The following VGLL4 variants were observed in gnomAD, a reference collection of about 807,000 sequenced individuals.
VGLL4 encodes transcription cofactor vestigial-like protein 4.
Under a neutral mutation model 21.0 loss-of-function variants are expected in VGLL4, and 7 were observed. That is an observed-to-expected ratio of 0.33 (90% CI 0.19 to 0.63). The LOEUF (loss-of-function observed/expected upper bound fraction) is 0.63. VGLL4 is among the 20% of genes least tolerant of loss of function. VGLL4 has a pLI of 0.78. For synonymous variants in VGLL4, 222 were observed against 173.2 expected, an observed-to-expected ratio of 1.28 and a Z score of -2.21; for missense variants, 394 against 425.7, an observed-to-expected ratio of 0.93 and a Z score of 0.66.
intron 1 of VGLL4, among the ~76,000 whole-genome samples, chr3:11,638,770 G>C (rs2616544): frequency 0.2 from 30,160 of 151,970 alleles, 4,647 homozygotes; most frequent in African/African-American, 0.42. Flanking sequence ...TTTCCTGAAG[G>C]TTCTGAGCTC....
At chr3:11,618,893 C>T (rs2075213521) in intron 1 of VGLL4, among the ~76,000 whole-genome samples, 2 of 152,148 alleles carry the variant, frequency 1.3e-5, no homozygotes, top group African/African-American at 4.8e-5. Context: ...TTCTTTCTAT[C>T]CTCCCACCTC....
intron 2 of VGLL4, among the ~76,000 whole-genome samples, chr3:11,570,471 C>T (rs757489063): frequency 6.6e-6 from 1 of 152,184 alleles, no homozygotes; most frequent in Non-Finnish European, 1.5e-5. Flanking sequence ...CTGGCTGGAC[C>T]GTGCACTCCC....
chr3:11,674,693 G>A (rs2076265779), intron 2 of VGLL4, among the ~76,000 whole-genome samples: 1 of 152,148 alleles, frequency 6.6e-6, no homozygotes. Context: ...GGATTAAAAA[G>A]GCAAAGAGGA....
intron 1 of VGLL4, among the ~76,000 whole-genome samples, chr3:11,635,028 G>A (rs1006654010): frequency 1.2e-4 from 19 of 152,172 alleles, no homozygotes; most frequent in Non-Finnish European, 5.9e-5. Flanking sequence ...TAAAAAGTCA[G>A]TATTGCATGG....
chr3:11,610,904 T>C (rs140415828), intron 1 of VGLL4, among the ~76,000 whole-genome samples: 99 of 152,304 alleles, frequency 6.5e-4, no homozygotes, highest in Non-Finnish European at 1.2e-3. Context: ...TGCAGCCCTG[T>C]GAGGGAGGCG....
At chr3:11,569,597 T>G (rs1188025701) in intron 2 of VGLL4, among the ~76,000 whole-genome samples, 2 of 152,112 alleles carry the variant, frequency 1.3e-5, no homozygotes, top group African/African-American at 4.8e-5. Context: ...GGCCAGTGAG[T>G]GGGCCGGGAC....
intron 2 of VGLL4, among the ~76,000 whole-genome samples, chr3:11,601,084 G>A (rs1365176378): frequency 6.6e-6 from 1 of 152,200 alleles, no homozygotes; most frequent in Non-Finnish European, 1.5e-5. Flanking sequence ...AGAGTGCAAA[G>A]GGGAGAAGCC....
intron 2 of VGLL4, among the ~76,000 whole-genome samples, chr3:11,588,046 G>A (rs925774201): frequency 6.6e-6 from 1 of 152,216 alleles, no homozygotes; most frequent in African/African-American, 2.4e-5. Context: ...AAGGCTCTAA[G>A]GGAGAAAATG....
chr3:11,581,955 T>G (rs1366174365), intron 2 of VGLL4, among the ~76,000 whole-genome samples: 1 of 152,216 alleles, frequency 6.6e-6, no homozygotes, highest in African/African-American at 2.4e-5. Flanking sequence ...TTCCAATCCA[T>G]GAAGGAAACA....
chr3:11,625,983 C>T (rs370294231), intron 1 of VGLL4, among the ~76,000 whole-genome samples: 42 of 152,242 alleles, frequency 2.8e-4, no homozygotes, highest in African/African-American at 9.4e-4. Flanking sequence ...AACTGTACAA[C>T]TCTGTGAATA....
intron 1 of VGLL4, among the ~76,000 whole-genome samples, chr3:11,714,941 C>G (rs985143219): frequency 3.3e-5 from 5 of 152,078 alleles, no homozygotes; most frequent in African/African-American, 1.2e-4. Context: ...CGAGACCATC[C>G]TGGCTAACAC....
chr3:11,573,615 C>T (rs1470373537), intron 2 of VGLL4, among the ~76,000 whole-genome samples: 1 of 152,236 alleles, frequency 6.6e-6, no homozygotes, highest in African/African-American at 2.4e-5. Flanking sequence ...CTGGCCTTGG[C>T]AGCCTATGGA....
chr3:11,692,666 A>G (rs2076544831), intron 2 of VGLL4, among the ~76,000 whole-genome samples: 2 of 150,446 alleles, frequency 1.3e-5, no homozygotes, highest in Non-Finnish European at 3.0e-5. Context: ...TGATGATCCC[A>G]GCAGCAACGC....
At chr3:11,679,480 C>G (rs543646656) in intron 2 of VGLL4, among the ~76,000 whole-genome samples, 1 of 151,998 alleles carries the variant, frequency 6.6e-6, no homozygotes, top group African/African-American at 2.4e-5. Context: ...GTCAGGAGAT[C>G]GAGACGAGCC....
At chr3:11,595,804 G>A (rs2074623007) in intron 2 of VGLL4, among the ~76,000 whole-genome samples, 1 of 127,500 alleles carries the variant, frequency 7.8e-6, no homozygotes, top group Admixed American at 8.3e-5. Context: ...CATGGACACA[G>A]GAAGGGGAAC....
chr3:11,624,539 T>A lies in VGLL4; in HGVS notation c.82+18898A>T, dbSNP rs993129884. ...CGTCTTTCTCTAATTTTTTTTTTAA[T>A]GTTTGCCTCTTGAGAGATCAGGGAC... is the stretch of plus-strand genomic sequence containing the variant. On this transcript the variant is annotated intron_variant, in intron 1 of 4. Coordinates refer to ENST00000430365, the MANE Select transcript of VGLL4 (RefSeq NM_001128219.3). Among the ~76,000 whole-genome samples, 4 of 152,182 alleles carry A rather than the reference T, an allele frequency of 2.6e-5. No individual in the cohort carries two copies. In the East Asian group the frequency reaches 7.7e-4, roughly 29 times the overall value.
At chr3:11,657,702 C>G (rs899564468) in intron 2 of VGLL4, among the ~76,000 whole-genome samples, 9 of 152,148 alleles carry the variant, frequency 5.9e-5, no homozygotes. Flanking sequence ...GAGACTAACC[C>G]TTTCACCCAT....
In VGLL4 at chr3:11,557,967, A is replaced by C. The variant is rs1296064847; in HGVS notation, c.*589T>G. 1 of 154,014 alleles carries C rather than the reference A, an allele frequency of 6.5e-6. No individual in the cohort carries two copies. Among genetic ancestry groups the C allele is most frequent in the Non-Finnish European group, 1.4e-5 (1 of 69,152 alleles). 9.5% of individuals were successfully genotyped at this position (154,014 alleles called of 1,614,324 possible). A position where few individuals can be genotyped will look rare whatever the true frequency, so the allele number is the denominator to read the frequency against. On this transcript the variant is annotated 3_prime_UTR_variant, in exon 5 of 5. Transcript: ENST00000430365. ...AAACAGTAACAACAACAAACACACA[A>C]ATGGTCAGAAATGTCATCCTTAAAC...
chr3:11,592,113 A>C (rs2345341), intron 2 of VGLL4, among the ~76,000 whole-genome samples: 51 of 152,274 alleles, frequency 3.3e-4, no homozygotes, highest in African/African-American at 1.2e-3. Flanking sequence ...GAAAGAGCAG[A>C]TAGTTTGAAG....
Sources: gnomAD v4.1 joint callset for allele counts (sites outside exome capture counted in the v4.1 genomes callset) on GRCh38, gnomAD v4.1.1 for gene constraint, MANE v1.5 for transcripts, NCBI Gene and HGNC (gene_info 2026-07-23, HGNC 2026-07-21) for gene names.